PRIM2: variants seen among roughly 807,000 people sequenced by gnomAD.
PRIM2 encodes the protein DNA primase subunit 2.
PRIM2 carries 39 observed loss-of-function variants against 67.3 expected under a neutral mutation model. The observed-to-expected ratio is 0.58, with a 90% CI of 0.45 to 0.76. The LOEUF (loss-of-function observed/expected upper bound fraction) is 0.76, where lower values mean the gene tolerates loss of function less well. Among genes scored for constraint, PRIM2 ranks in the 30% least tolerant of loss-of-function variants. The pLI is 0.00. For synonymous variants in PRIM2, 143 were observed against 198.7 expected (o/e 0.72, Z 2.36); for missense variants, 398 against 598.7 (o/e 0.66, Z 3.50).
chr6:57,424,061 T>G (rs1771546226), intron 7 of PRIM2, among the ~76,000 whole-genome samples: 1 of 152,346 alleles, frequency 6.6e-6, no homozygotes, highest in East Asian at 1.9e-4. Flanking sequence ...TAGGTAAGGA[T>G]GGGCACAGTT....
At chr6:57,631,312 A>C (rs1397052584) in intron 12 of PRIM2, among the ~76,000 whole-genome samples, 3 of 152,180 alleles carry the variant, frequency 2.0e-5, no homozygotes, top group African/African-American at 7.2e-5. Context: ...TCTTAATTCC[A>C]GCATTTTACT....
At chr6:57,263,721 T>C in the PRIM2 span, among the ~76,000 whole-genome samples, 1 of 152,186 alleles carries the variant, frequency 6.6e-6, no homozygotes, top group Non-Finnish European at 1.5e-5. Flanking sequence ...ATAGCAGCAA[T>C]CTTATTTCTC....
chr6:57,546,347 G>A (rs1775290690), intron 10 of PRIM2, among the ~76,000 whole-genome samples: 2 of 152,134 alleles, frequency 1.3e-5, no homozygotes, highest in Admixed American at 1.3e-4. Flanking sequence ...ATGGTAAAAA[G>A]GAAAGTATTA....
intron 7 of PRIM2, among the ~76,000 whole-genome samples, chr6:57,495,828 T>G (rs1184052614): frequency 1.3e-5 from 2 of 152,132 alleles, no homozygotes; most frequent in Non-Finnish European, 2.9e-5. Flanking sequence ...ACTGCAGCCT[T>G]GATCTCCTCA....
At chr6:57,322,082 G>T (rs566355383) in intron 3 of PRIM2, among the ~76,000 whole-genome samples, 1 of 152,178 alleles carries the variant, frequency 6.6e-6, no homozygotes, top group Non-Finnish European at 1.5e-5. Context: ...GGATATAGAA[G>T]ATGTACTTTT....
At chr6:57,228,694 C>T in the PRIM2 span, among the ~76,000 whole-genome samples, 18 of 152,174 alleles carry the variant, frequency 1.2e-4, no homozygotes, top group Admixed American at 9.2e-4. Context: ...ACTCAGGCTT[C>T]GGAGCCAGAA....
intron 7 of PRIM2, among the ~76,000 whole-genome samples, chr6:57,480,905 C>T (rs1332715690): frequency 0.022 from 3,391 of 152,270 alleles, 109 homozygotes; most frequent in South Asian, 0.072. Flanking sequence ...AGATGACAGG[C>T]GTGAGCCATC....
chr6:57,427,018 C>T (rs1448699078), intron 7 of PRIM2, among the ~76,000 whole-genome samples: 1 of 152,122 alleles, frequency 6.6e-6, no homozygotes, highest in Admixed American at 6.5e-5. Context: ...TGTTGTCCAG[C>T]TATATTTTCG....
At chr6:57,227,920 C>T in the PRIM2 span, among the ~76,000 whole-genome samples, 1 of 152,148 alleles carries the variant, frequency 6.6e-6, no homozygotes, top group Non-Finnish European at 1.5e-5. Context: ...GCATCAAATA[C>T]TTGATGCTCA....
At chr6:57,563,631 A>G (rs1775681780) in intron 10 of PRIM2, among the ~76,000 whole-genome samples, 2 of 152,152 alleles carry the variant, frequency 1.3e-5, no homozygotes, top group Non-Finnish European at 2.9e-5. Flanking sequence ...TGACTTGTAT[A>G]TGCCTTAGCT....
chr6:57,445,258 A>G (rs1411445157), intron 7 of PRIM2, among the ~76,000 whole-genome samples: 3 of 152,172 alleles, frequency 2.0e-5, no homozygotes, highest in African/African-American at 4.8e-5. Flanking sequence ...CTTCATTTTC[A>G]TAGTTGAAGA....
At chr6:57,487,513 G>A (rs1457627179) in intron 7 of PRIM2, among the ~76,000 whole-genome samples, 12 of 152,240 alleles carry the variant, frequency 7.9e-5, no homozygotes, top group African/African-American at 2.2e-4. Context: ...ACAGGCATGC[G>A]CCACTGCCCC....
chr6:57,341,644 T>C (rs1768495599), intron 5 of PRIM2, among the ~76,000 whole-genome samples: 1 of 152,226 alleles, frequency 6.6e-6, no homozygotes, highest in Admixed American at 6.5e-5. Flanking sequence ...TTCATCACTT[T>C]GGTTAGAATA....
chr6:57,355,450 G>A (rs906814017), intron 5 of PRIM2, among the ~76,000 whole-genome samples: 18 of 152,324 alleles, frequency 1.2e-4, no homozygotes, highest in Admixed American at 5.2e-4. Flanking sequence ...GTATGGGTCA[G>A]TGTTACTGCT....
chr6:57,299,048 GA>G, the PRIM2 span, among the ~76,000 whole-genome samples: 2 of 151,622 alleles, frequency 1.3e-5, no homozygotes, highest in East Asian at 3.9e-4. Flanking sequence ...CTCTGTGCCT[GA>G]ATTTCTCTCT....
intron 8 of PRIM2, among the ~76,000 whole-genome samples, chr6:57,515,692 A>G (rs1458816878): frequency 6.6e-6 from 1 of 152,236 alleles, no homozygotes; most frequent in Non-Finnish European, 1.5e-5. Flanking sequence ...CCTGATATTT[A>G]GCGATGACAC....
the PRIM2 span, among the ~76,000 whole-genome samples, chr6:57,286,744 C>A: frequency 6.6e-6 from 1 of 152,024 alleles, no homozygotes; most frequent in Non-Finnish European, 1.5e-5. Context: ...CAACAAAAGC[C>A]GAAATTGAAA....
At chr6:57,269,225 G>A in the PRIM2 span, among the ~76,000 whole-genome samples, 3 of 151,568 alleles carry the variant, frequency 2.0e-5, no homozygotes, top group Non-Finnish European at 4.4e-5. Context: ...TTCCACAATG[G>A]TTGAACTAGT....
At chr6:57,347,604 GC>G (rs1267879150) in intron 5 of PRIM2, among the ~76,000 whole-genome samples, 2 of 152,274 alleles carry the variant, frequency 1.3e-5, no homozygotes, top group East Asian at 3.9e-4. Flanking sequence ...ATGCCACCCT[GC>G]CTGGCTAATT....
Sources: gnomAD v4.1 joint callset for allele counts (sites outside exome capture counted in the v4.1 genomes callset) on GRCh38, gnomAD v4.1.1 for gene constraint, MANE v1.5 for transcripts, NCBI Gene and HGNC (gene_info 2026-07-23, HGNC 2026-07-21) for gene names.